The following VTI1A variants were observed in gnomAD, a reference collection of about 807,000 sequenced individuals.
VTI1A encodes the protein vesicle transport through interaction with t-SNAREs homolog 1A.
In VTI1A, 22 loss-of-function variants were observed where a neutral mutation model predicts 34.9. The ratio of observed to expected loss-of-function variants is 0.63; its 90% CI spans 0.45 to 0.90. The LOEUF is 0.90. Among genes scored for constraint, VTI1A ranks in the 40% least tolerant of loss-of-function variants. The pLI is 0.00. For synonymous variants in VTI1A, 87 were observed against 97.3 expected (o/e 0.89, Z 0.62); for missense variants, 268 against 275.6 (o/e 0.97, Z 0.20).
At chr10:112,658,429 T>C (rs907950346) in intron 5 of VTI1A, among the ~76,000 whole-genome samples, 9 of 152,160 alleles carry the variant, frequency 5.9e-5, no homozygotes, top group African/African-American at 2.2e-4. Context: ...GTTCTAAAAA[T>C]CTTTGATTCT....
At chr10:112,744,775 C>G (rs1238547086) in intron 7 of VTI1A, among the ~76,000 whole-genome samples, 1 of 152,142 alleles carries the variant, frequency 6.6e-6, no homozygotes, top group Non-Finnish European at 1.5e-5. Context: ...TGTCCCTTAG[C>G]TGTGCATCGA....
chr10:112,561,490 T>C (rs959776206), intron 5 of VTI1A, among the ~76,000 whole-genome samples: 6 of 152,192 alleles, frequency 3.9e-5, no homozygotes, highest in African/African-American at 1.2e-4. Context: ...AATCTCAGTT[T>C]TCCATTTTAT....
chr10:112,846,648 C>A, the VTI1A span, among the ~76,000 whole-genome samples: 1 of 151,996 alleles, frequency 6.6e-6, no homozygotes, highest in Non-Finnish European at 1.5e-5. Flanking sequence ...CACCTGTAGT[C>A]CCAGCTACTC....
At chr10:112,838,272 C>T in the VTI1A span, among the ~76,000 whole-genome samples, 13 of 152,308 alleles carry the variant, frequency 8.5e-5, 1 homozygote, top group Middle Eastern at 3.4e-3. Flanking sequence ...GGACAGACCT[C>T]GGGTCCTCCT....
chr10:112,780,242 G>T (rs1156322690), intron 7 of VTI1A, among the ~76,000 whole-genome samples: 1 of 150,970 alleles, frequency 6.6e-6, no homozygotes, highest in East Asian at 1.9e-4. Flanking sequence ...CTGCACTCCA[G>T]CCTGGGAGAC....
intron 7 of VTI1A, among the ~76,000 whole-genome samples, chr10:112,693,764 A>G (rs904896598): frequency 2.0e-5 from 3 of 152,180 alleles, no homozygotes; most frequent in Non-Finnish European, 2.9e-5. Flanking sequence ...CTGAGTGCTG[A>G]CTGACCCAAG....
rs530264322 is a variant in VTI1A at position 112,572,609 on chromosome 10, C to T, written c.427+34279C>T. The stretch of plus-strand genomic sequence containing the variant: ...ATCCCAGCACTTTGGGAGGCTGAGG[C>T]GGGCGGATCACGAGGTCAGGAGATC... On this transcript the variant is annotated intron_variant, in intron 5 of 7. Transcript: ENST00000393077. 5.9e-5 allele frequency among the ~76,000 whole-genome samples: 9 copies of T among 152,076 alleles called. No homozygotes were observed. The East Asian group carries it at 1.4e-3, about 23-fold the overall frequency.
chr10:112,562,630 A>G (rs1288800297), intron 5 of VTI1A, among the ~76,000 whole-genome samples: 2 of 152,166 alleles, frequency 1.3e-5, no homozygotes, highest in East Asian at 1.9e-4. Flanking sequence ...TATCATGGCA[A>G]TCGCATGTTG....
At chr10:112,775,368 T>C (rs897429445) in intron 7 of VTI1A, among the ~76,000 whole-genome samples, 1 of 152,202 alleles carries the variant, frequency 6.6e-6, no homozygotes, top group Non-Finnish European at 1.5e-5. Flanking sequence ...ATTCAATGTG[T>C]CTTAAGGCTG....
At chr10:112,773,833 A>T (rs1234127268) in intron 7 of VTI1A, among the ~76,000 whole-genome samples, 1 of 152,166 alleles carries the variant, frequency 6.6e-6, no homozygotes, top group Non-Finnish European at 1.5e-5. Flanking sequence ...CTAATATCTT[A>T]TCTGGGGTGG....
intron 7 of VTI1A, among the ~76,000 whole-genome samples, chr10:112,707,972 T>G (rs1257653831): frequency 6.6e-6 from 1 of 152,184 alleles, no homozygotes; most frequent in East Asian, 1.9e-4. Context: ...TTATTAAACA[T>G]CTAGCCAATT....
At chr10:112,517,077 G>A (rs889661933) in intron 3 of VTI1A, among the ~76,000 whole-genome samples, 1 of 152,106 alleles carries the variant, frequency 6.6e-6, no homozygotes, top group African/African-American at 2.4e-5. Context: ...GCTAAGGACG[G>A]AGACCTAGGG....
At chr10:112,633,390 T>C (rs1846213152) in intron 5 of VTI1A, among the ~76,000 whole-genome samples, 1 of 152,202 alleles carries the variant, frequency 6.6e-6, no homozygotes, top group African/African-American at 2.4e-5. Flanking sequence ...AACCTCCGAA[T>C]TCTCCATCTT....
At chr10:112,749,774 C>T (rs1450454845) in intron 7 of VTI1A, among the ~76,000 whole-genome samples, 1 of 152,160 alleles carries the variant, frequency 6.6e-6, no homozygotes, top group Non-Finnish European at 1.5e-5. Context: ...CAAGAAAAAT[C>T]CTTCTAGATA....
intron 7 of VTI1A, among the ~76,000 whole-genome samples, chr10:112,797,242 A>G (rs992356253): frequency 6.6e-6 from 1 of 152,198 alleles, no homozygotes; most frequent in African/African-American, 2.4e-5. Context: ...GGCCTCAGCT[A>G]TGATTGTTTT....
intron 5 of VTI1A, among the ~76,000 whole-genome samples, chr10:112,569,652 C>G (rs1161322668): frequency 1.3e-5 from 2 of 152,120 alleles, no homozygotes; most frequent in Admixed American, 6.5e-5. Flanking sequence ...CCTGGGAAAA[C>G]TTTGGAAGGT....
At chr10:112,774,975 C>T (rs1011246880) in intron 7 of VTI1A, among the ~76,000 whole-genome samples, 6 of 152,136 alleles carry the variant, frequency 3.9e-5, no homozygotes, top group Admixed American at 2.0e-4. Context: ...AAGCTTTCGA[C>T]GCCTGAGAAC....
At chr10:112,549,253 G>A (rs1851254726) in intron 5 of VTI1A, among the ~76,000 whole-genome samples, 2 of 139,722 alleles carry the variant, frequency 1.4e-5, no homozygotes, top group African/African-American at 4.9e-5. Context: ...AAGATTATAT[G>A]GAAGAAAGTA....
At chr10:112,653,395 G>A (rs886739097) in intron 5 of VTI1A, among the ~76,000 whole-genome samples, 2 of 152,156 alleles carry the variant, frequency 1.3e-5, no homozygotes, top group Admixed American at 6.5e-5. Flanking sequence ...GTGTTTGTGC[G>A]AAGTATAGGT....
Sources: allele counts gnomAD v4.1 joint callset (sites outside exome capture counted in the v4.1 genomes callset), GRCh38; gene constraint gnomAD v4.1.1; transcripts MANE v1.5; gene names NCBI Gene and HGNC (gene_info 2026-07-23, HGNC 2026-07-21).